Variants in KCTD1 observed in about 807,000 individuals in gnomAD.
KCTD1 encodes potassium channel tetramerization domain containing 1, also known as BTB/POZ domain-containing protein KCTD1.
In KCTD1, 24 loss-of-function variants were observed where a neutral mutation model predicts 66.0. The observed-to-expected ratio is 0.36, with a 90% CI of 0.26 to 0.51. KCTD1 has a LOEUF of 0.51. Among genes scored for constraint, KCTD1 ranks in the 20% least tolerant of loss-of-function variants. KCTD1 has a pLI of 0.95. For synonymous variants in KCTD1, 511 were observed against 517.2 expected, an observed-to-expected ratio of 0.99 and a Z score of 0.16; for missense variants, 943 against 1,205.2, an observed-to-expected ratio of 0.78 and a Z score of 3.22.
intron 1 of KCTD1, among the ~76,000 whole-genome samples, chr18:26,653,979 C>CTAAA (rs1988081710): frequency 6.6e-6 from 1 of 152,160 alleles, no homozygotes; most frequent in Non-Finnish European, 1.5e-5. Context: ...TTAATAAACA[C>CTAAA]TAAATAAAAA....
intron 2 of KCTD1, among the ~76,000 whole-genome samples, chr18:26,488,265 C>T (rs1982017480): frequency 6.6e-6 from 1 of 151,922 alleles, no homozygotes; most frequent in African/African-American, 2.4e-5. Context: ...CTCTGAATTC[C>T]ACCCTTAATG....
At chr18:26,490,738 C>T (rs1239149516) in intron 2 of KCTD1, among the ~76,000 whole-genome samples, 2 of 151,966 alleles carry the variant, frequency 1.3e-5, no homozygotes, top group Non-Finnish European at 2.9e-5. Context: ...GTTTTAAAAC[C>T]TAGGGCATAG....
chr18:26,532,261 C>CTTTCTTTTTTTTTTTTTTTTTTTTTTTT (rs1394278500), intron 1 of KCTD1, among the ~76,000 whole-genome samples: 4 of 29,556 alleles, frequency 1.4e-4, no homozygotes, highest in African/African-American at 2.6e-4. Context: ...TTCTTTCCTT[C>CTTTCTTTTTTTTTTTTTTTTTTTTTTTT]TTTTTTTTTT....
chr18:26,476,391 C>A lies in KCTD1; in HGVS notation c.2133+124G>T. On this transcript the variant is annotated intron_variant, in intron 3 of 4. Coordinates refer to ENST00000580059, the MANE Select transcript of KCTD1 (RefSeq NM_001142730.3). The surrounding 1 kb of genome is among the most constrained non-coding windows in gnomAD (Gnocchi z 4.9). ...CTATTTCATGAATAGTGAACCATGT[C>A]AAAGAGAACTCTGGCACCTTTCGAG... The A allele has an allele frequency of 1.2e-6, 1 of 858,596 alleles. No homozygotes were observed. The allele number at this position is 858,596 out of a possible 1,614,324, so 53.2% of individuals were successfully genotyped here.
At chr18:26,624,631 G>A (rs1350603187) in intron 1 of KCTD1, among the ~76,000 whole-genome samples, 1 of 152,266 alleles carries the variant, frequency 6.6e-6, no homozygotes, top group Non-Finnish European at 1.5e-5. Context: ...TGGATGTCCA[G>A]GCAGAAGTTT....
At chr18:26,575,606 C>A (rs1402265530) in intron 1 of KCTD1, 1 of 152,244 alleles carries the variant, frequency 6.6e-6, no homozygotes, top group East Asian at 1.9e-4. Flanking sequence ...GGCTTAGTCT[C>A]TAGCCTGCCA....
chr18:26,651,359 C>T (rs1434243252), intron 1 of KCTD1, among the ~76,000 whole-genome samples: 2 of 152,212 alleles, frequency 1.3e-5, no homozygotes, highest in East Asian at 3.9e-4. Context: ...GAGTTAGAAT[C>T]CCTGCTCTGC....
In KCTD1 at chr18:26,546,737, G is replaced by A. The variant is rs773035438; in HGVS notation, c.1800C>T (p.Ser600=). 13 of 1,547,622 alleles carry A rather than the reference G, an allele frequency of 8.4e-6. No homozygotes were observed. The African/African-American group carries it at 1.8e-4, about 21-fold the overall frequency. ...SPTIVSPAIV[S]PTQDSRPNMS... ...AGTTTGGTTTGGTTACCTGGGTGGG[G>A]GAAACAATAGCAGGTGAAACTATTG... is the stretch of plus-strand genomic sequence containing the variant. The change falls in exon 1 of 5, where the codon TCC becomes TCT. Residue 600 remains serine (S), a synonymous_variant. Transcript: ENST00000580059.
At chr18:26,494,934 G>A (rs776288461) in intron 2 of KCTD1, among the ~76,000 whole-genome samples, 22 of 152,048 alleles carry the variant, frequency 1.4e-4, no homozygotes, top group Non-Finnish European at 2.6e-4. Flanking sequence ...CATAACGAAG[G>A]TTGATTTAGA....
chr18:26,643,207 A>G (rs910975149), upstream of KCTD1, among the ~76,000 whole-genome samples: 1 of 152,076 alleles, frequency 6.6e-6, no homozygotes, highest in African/African-American at 2.4e-5. Context: ...TCTTTGTGTG[A>G]GAGCAGATAG....
At chr18:26,546,651 A>C in intron 1 of KCTD1, 77 bp downstream of exon 1, 1 of 1,446,482 alleles carries the variant, frequency 6.9e-7, no homozygotes. Flanking sequence ...CCCCCTACCC[A>C]GAGCTGCATT....
chr18:26,641,682 T>C (rs140611038), upstream of KCTD1, among the ~76,000 whole-genome samples: 204 of 152,276 alleles, frequency 1.3e-3, no homozygotes, highest in African/African-American at 4.7e-3. Flanking sequence ...TAGGTATTCA[T>C]TGATCTGATG....
intron 1 of KCTD1, among the ~76,000 whole-genome samples, chr18:26,610,960 G>T (rs139963613): frequency 2.6e-4 from 40 of 152,120 alleles, no homozygotes; most frequent in African/African-American, 9.2e-4. Flanking sequence ...TGTCTTTGGG[G>T]TTTGTTAATC....
chr18:26,631,320 T>C (rs1987613271), upstream of KCTD1, among the ~76,000 whole-genome samples: 1 of 152,214 alleles, frequency 6.6e-6, no homozygotes, highest in African/African-American at 2.4e-5. Context: ...CTAGGTATAT[T>C]TACACAGACC....
intron 1 of KCTD1, among the ~76,000 whole-genome samples, chr18:26,613,074 C>T (rs544473171): frequency 6.6e-6 from 1 of 152,236 alleles, no homozygotes; most frequent in South Asian, 2.1e-4. Context: ...ACCTTTGTGC[C>T]AACCACAATG....
chr18:26,627,848 T>C (rs1987536239), intron 1 of KCTD1, among the ~76,000 whole-genome samples: 1 of 152,194 alleles, frequency 6.6e-6, no homozygotes, highest in Admixed American at 6.5e-5. Context: ...ATAGAAGCCA[T>C]GACTGTACCT....
intron 1 of KCTD1, chr18:26,575,389 T>C (rs1464651887): frequency 3.9e-5 from 6 of 151,996 alleles, no homozygotes; most frequent in Non-Finnish European, 1.5e-5. Flanking sequence ...CCCAAGAACG[T>C]GGTGTGCGTG....
intron 1 of KCTD1, among the ~76,000 whole-genome samples, chr18:26,623,358 C>G (rs1012170458): frequency 6.6e-6 from 1 of 152,134 alleles, no homozygotes; most frequent in Admixed American, 6.5e-5. Flanking sequence ...TGTCCCCACC[C>G]AAATCTCATC....
chr18:26,643,671 G>C (rs938683504), upstream of KCTD1, among the ~76,000 whole-genome samples: 1 of 152,238 alleles, frequency 6.6e-6, no homozygotes, highest in African/African-American at 2.4e-5. Flanking sequence ...GCAATATCAA[G>C]GGGCCTGCTG....
Sources: allele counts gnomAD v4.1 joint callset (sites outside exome capture counted in the v4.1 genomes callset), GRCh38; gene constraint gnomAD v4.1.1; non-coding constraint Gnocchi (gnomAD v3.1); transcripts MANE v1.5; gene names NCBI Gene and HGNC (gene_info 2026-07-23, HGNC 2026-07-21).